Variants in SLC24A3 observed in about 807,000 individuals in gnomAD.
SLC24A3 encodes sodium/potassium/calcium exchanger 3.
In SLC24A3, 28 loss-of-function variants were observed where a neutral mutation model predicts 75.8. The ratio of observed to expected loss-of-function variants is 0.37; its 90% CI spans 0.27 to 0.51. The LOEUF is 0.51. SLC24A3 is among the 20% of genes least tolerant of loss of function. The pLI is 0.94. For missense variants in SLC24A3, 663 were observed against 847.8 expected, an observed-to-expected ratio of 0.78 and a Z score of 2.71; for synonymous variants, 372 against 334.1, an observed-to-expected ratio of 1.11 and a Z score of -1.24.
intron 7 of SLC24A3, among the ~76,000 whole-genome samples, chr20:19,657,784 ACTGT>A (rs11470760): frequency 0.26 from 39,508 of 151,884 alleles, 5,885 homozygotes; most frequent in South Asian, 0.34. Flanking sequence ...GGTCGCACGC[ACTGT>A]CTTTTTTCTT....
intron 2 of SLC24A3, among the ~76,000 whole-genome samples, chr20:19,437,002 C>T (rs899299301): frequency 1.3e-5 from 2 of 152,118 alleles, no homozygotes; most frequent in East Asian, 1.9e-4. Flanking sequence ...AAAGACAGAA[C>T]GGATAAATGA....
chr20:19,446,134 A>G (rs1331869260), intron 2 of SLC24A3, among the ~76,000 whole-genome samples: 1 of 152,202 alleles, frequency 6.6e-6, no homozygotes, highest in Non-Finnish European at 1.5e-5. Flanking sequence ...GTGTGGCTTC[A>G]GTAACCCTTA....
intron 12 of SLC24A3, among the ~76,000 whole-genome samples, chr20:19,691,356 G>A (rs955057168): frequency 6.6e-6 from 1 of 152,232 alleles, no homozygotes; most frequent in Non-Finnish European, 1.5e-5. Context: ...GCAGGAAAAG[G>A]CTTGGAGTGT....
At position 19,563,264 on chromosome 20, in the gene SLC24A3, C is replaced by G. The variant is rs376070370; in HGVS notation, c.349-16736C>G. On this transcript the variant is annotated intron_variant, in intron 3 of 16. Coordinates refer to ENST00000328041, the MANE Select transcript of SLC24A3 (RefSeq NM_020689.4). ...CCCCGCCAGCTGAGATTTTAAAATTCAACAGTGTGTGGTAGCTACCCAAGT... is the reference window on the plus strand; with the variant it reads ...CCCCGCCAGCTGAGATTTTAAAATTGAACAGTGTGTGGTAGCTACCCAAGT... Among the ~76,000 whole-genome samples the G allele has an allele frequency of 4.7e-4, 71 of 152,186 alleles. No individual in the cohort carries two copies. In the Middle Eastern group the frequency reaches 0.01, roughly 22 times the overall value.
intron 3 of SLC24A3, among the ~76,000 whole-genome samples, chr20:19,539,270 A>G (rs186183437): frequency 6.6e-6 from 1 of 152,336 alleles, no homozygotes; most frequent in Non-Finnish European, 1.5e-5. Context: ...TGCTGGTGAC[A>G]TGGCAGCTCT....
intron 2 of SLC24A3, among the ~76,000 whole-genome samples, chr20:19,314,899 G>C (rs1422626102): frequency 6.6e-6 from 1 of 152,196 alleles, no homozygotes; most frequent in Non-Finnish European, 1.5e-5. Flanking sequence ...TTTACACATG[G>C]TGTCTGCAAT....
chr20:19,693,207 G>A, intron 12 of SLC24A3, 52 bp from the exon 13 acceptor site: 1 of 1,555,886 alleles, frequency 6.4e-7, no homozygotes, highest in South Asian at 1.2e-5. Context: ...AGCTAACTGG[G>A]GTTCTTTGTT....
At chr20:19,258,361 G>A (rs1982878161) in intron 1 of SLC24A3, among the ~76,000 whole-genome samples, 1 of 152,212 alleles carries the variant, frequency 6.6e-6, no homozygotes, top group Non-Finnish European at 1.5e-5. Context: ...ACTTCTTTGG[G>A]TACTGGGCAT....
At chr20:19,609,906 A>G (rs1280902582) in intron 6 of SLC24A3, among the ~76,000 whole-genome samples, 1 of 152,224 alleles carries the variant, frequency 6.6e-6, no homozygotes, top group African/African-American at 2.4e-5. Context: ...GGAACTTTGC[A>G]GTGTTTGCCA....
chr20:19,471,173 G>A (rs7269287), intron 2 of SLC24A3, among the ~76,000 whole-genome samples: 8,850 of 152,152 alleles, frequency 0.058, 642 homozygotes, highest in African/African-American at 0.17. Context: ...GGGAGCCCCC[G>A]TGCTGGAGCT....
intron 2 of SLC24A3, among the ~76,000 whole-genome samples, chr20:19,433,064 T>C (rs922529016): frequency 6.6e-6 from 1 of 152,220 alleles, no homozygotes; most frequent in East Asian, 1.9e-4. Flanking sequence ...AGTTAAGATA[T>C]AGATATTTTA....
At chr20:19,634,152 C>T (rs945862831) in intron 6 of SLC24A3, among the ~76,000 whole-genome samples, 21 of 152,146 alleles carry the variant, frequency 1.4e-4, no homozygotes, top group African/African-American at 4.6e-4. Context: ...AGCTTGTGCT[C>T]CATGGTAGTG....
At chr20:19,572,477 T>G (rs1224020365) in intron 3 of SLC24A3, among the ~76,000 whole-genome samples, 2 of 152,258 alleles carry the variant, frequency 1.3e-5, no homozygotes, top group South Asian at 2.1e-4. Context: ...TCAGGGGTAC[T>G]GATATGCCAA....
intron 4 of SLC24A3, among the ~76,000 whole-genome samples, chr20:19,583,139 A>G (rs1479326099): frequency 2.0e-5 from 3 of 152,156 alleles, no homozygotes; most frequent in Non-Finnish European, 4.4e-5. Flanking sequence ...CTCCAGGGTA[A>G]TATCCACAGG....
intron 2 of SLC24A3, among the ~76,000 whole-genome samples, chr20:19,365,520 A>G (rs989631666): frequency 5.9e-5 from 9 of 152,196 alleles, no homozygotes; most frequent in African/African-American, 2.2e-4. Flanking sequence ...CATTAGGAAC[A>G]TGTGAGGCAG....
chr20:19,376,493 C>T (rs1190044860), intron 2 of SLC24A3, among the ~76,000 whole-genome samples: 2 of 152,202 alleles, frequency 1.3e-5, no homozygotes, highest in South Asian at 2.1e-4. Context: ...CGTGGATAAT[C>T]GTGGCAGGCT....
At chr20:19,480,838 G>A (rs1423678429) in intron 2 of SLC24A3, among the ~76,000 whole-genome samples, 8 of 152,146 alleles carry the variant, frequency 5.3e-5, no homozygotes, top group Non-Finnish European at 1.2e-4. Context: ...ATCCTTACTG[G>A]TTTTATTGTC....
At chr20:19,666,245 G>A (rs549664889) in intron 8 of SLC24A3, among the ~76,000 whole-genome samples, 1 of 152,276 alleles carries the variant, frequency 6.6e-6, no homozygotes, top group South Asian at 2.1e-4. Flanking sequence ...AGTGGCTCAT[G>A]CCTGTAATCC....
chr20:19,499,803 C>G (rs1988357184), intron 2 of SLC24A3, among the ~76,000 whole-genome samples: 1 of 152,132 alleles, frequency 6.6e-6, no homozygotes, highest in Non-Finnish European at 1.5e-5. Flanking sequence ...TATTTACATA[C>G]ATGTACACAC....
Sources: allele counts gnomAD v4.1 joint callset (sites outside exome capture counted in the v4.1 genomes callset), GRCh38; gene constraint gnomAD v4.1.1; transcripts MANE v1.5; gene names NCBI Gene and HGNC (gene_info 2026-07-23, HGNC 2026-07-21).